GAPVD1: variants seen among roughly 807,000 people sequenced by gnomAD.
GAPVD1 encodes the protein GTPase activating protein and VPS9 domains 1, also known as GTPase-activating protein and VPS9 domain-containing protein 1.
In GAPVD1, 35 loss-of-function variants were observed where a neutral mutation model predicts 155.5. The ratio of observed to expected loss-of-function variants is 0.23; its 90% confidence interval spans 0.17 to 0.30. The LOEUF is 0.30. Ranked by LOEUF, GAPVD1 falls within the 10% of genes least tolerant of loss-of-function variation. The pLI is 1.00. For synonymous variants in GAPVD1, 636 were observed against 619.7 expected (o/e 1.03, Z -0.39); for missense variants, 1,429 against 1,775.7 (o/e 0.80, Z 3.51).
intron 6 of GAPVD1, among the ~76,000 whole-genome samples, chr9:125,306,816 A>G (rs1001814260): frequency 4.6e-5 from 7 of 152,218 alleles, no homozygotes; most frequent in Non-Finnish European, 7.3e-5. Flanking sequence ...CTATATCAGT[A>G]CAAAAAGAGT....
At chr9:125,287,784 A>T (rs1837943786) in intron 2 of GAPVD1, 1 of 152,160 alleles carries the variant, frequency 6.6e-6, no homozygotes, top group African/African-American at 2.4e-5. Flanking sequence ...TCTGTCACCT[A>T]GGCTGGAGTG....
chr9:125,320,665 GC>G (rs1844194412), intron 9 of GAPVD1, among the ~76,000 whole-genome samples: 1 of 150,956 alleles, frequency 6.6e-6, no homozygotes, highest in Admixed American at 6.6e-5. Context: ...TCACTGTATC[GC>G]CCAGGCTAGA....
intron 2 of GAPVD1, among the ~76,000 whole-genome samples, chr9:125,275,959 A>G (rs1835718105): frequency 6.6e-6 from 1 of 152,120 alleles, no homozygotes; most frequent in African/African-American, 2.4e-5. Flanking sequence ...CCCACAAACC[A>G]TTTATTACGA....
At chr9:125,303,005 A>G (rs559148283) in intron 5 of GAPVD1, among the ~76,000 whole-genome samples, 179 bp downstream of exon 5, 1 of 152,220 alleles carries the variant, frequency 6.6e-6, no homozygotes, top group South Asian at 2.1e-4. Flanking sequence ...ATTTAAAATT[A>G]TTGCGGTCAC....
At chr9:125,300,818 A>G (rs1840741044) in intron 4 of GAPVD1, among the ~76,000 whole-genome samples, 2 of 152,146 alleles carry the variant, frequency 1.3e-5, no homozygotes. Flanking sequence ...TTAAAAAAAA[A>G]AAAGAACAGT....
chr9:125,324,543 C>T (rs559067104), intron 11 of GAPVD1, among the ~76,000 whole-genome samples: 4 of 152,062 alleles, frequency 2.6e-5, no homozygotes, highest in South Asian at 2.1e-4. Flanking sequence ...GAGCCAAGAT[C>T]GTGGCATTGC....
intron 8 of GAPVD1, among the ~76,000 whole-genome samples, chr9:125,309,554 T>G (rs948860977): frequency 1.3e-5 from 2 of 152,160 alleles, no homozygotes; most frequent in Non-Finnish European, 2.9e-5. Context: ...AGGCTGGTCT[T>G]GAACTCCTGA....
rs150632898 is a variant in GAPVD1, at chr9:125,275,266, G to A, written c.-150+6282G>A. ...AATTTTTATATTTTTAGTAGAGACG[G>A]GGTTTCACTATGTTGGCCAGGCTGG... On this transcript the variant is annotated intron_variant, in intron 2 of 27. Transcript: ENST00000297933. Among the ~76,000 whole-genome samples the A allele has an allele frequency of 7.2e-3, 1,089 of 151,908 alleles. 16 individuals are homozygous for A. Among genetic ancestry groups the A allele is most frequent in the Middle Eastern group, 0.051 (15 of 294 alleles).
chr9:125,325,988 T>A (rs912579216), intron 11 of GAPVD1, among the ~76,000 whole-genome samples: 8 of 152,238 alleles, frequency 5.3e-5, no homozygotes, highest in African/African-American at 1.9e-4. Flanking sequence ...TAGTTCAGTG[T>A]ATCCACATAT....
intron 2 of GAPVD1, among the ~76,000 whole-genome samples, chr9:125,280,158 A>G (rs1289816616): frequency 6.6e-6 from 1 of 150,724 alleles, no homozygotes; most frequent in Non-Finnish European, 1.5e-5. Flanking sequence ...GCACTTTGGG[A>G]CTCCAAGGCG....
chr9:125,349,668 G>A (rs1239084796), intron 21 of GAPVD1, 149 bp downstream of exon 21: 3 of 683,816 alleles, frequency 4.4e-6, no homozygotes, highest in Non-Finnish European at 4.8e-6. Context: ...CTTTGTTTCA[G>A]TTGTAGATGT....
At position 125,263,984 on chromosome 9, in the gene GAPVD1, G is replaced by A. The variant is rs144811605; in HGVS notation, c.-199+2025G>A. 267 of 1,375,264 alleles carry A rather than the reference G, an allele frequency of 1.9e-4. 1 individual carries two copies. The East Asian group carries it at 5.9e-3, about 30-fold the overall frequency. 85.2% of individuals were successfully genotyped at this position (1,375,264 alleles called of 1,614,324 possible). A position where few individuals can be genotyped will look rare whatever the true frequency, so the allele number is the denominator to read the frequency against. On this transcript the variant is annotated intron_variant, in intron 1 of 27. Coordinates refer to ENST00000297933, the MANE Select transcript of GAPVD1 (RefSeq NM_001282680.3). ...CATGGCCTTCATGACATGAAGGTTG[G>A]GCACGTTCTTGTCTGCCAGCTCTGG...
chr9:125,296,896 G>C (rs1839976644), intron 3 of GAPVD1, among the ~76,000 whole-genome samples: 1 of 151,900 alleles, frequency 6.6e-6, no homozygotes, highest in South Asian at 2.1e-4. Flanking sequence ...CTGACCTCAA[G>C]TGAGCCACCT....
At chr9:125,304,072 T>A (rs1841403358) in intron 5 of GAPVD1, 1 of 152,092 alleles carries the variant, frequency 6.6e-6, no homozygotes, top group South Asian at 2.1e-4. Context: ...TTTGTCTGTT[T>A]GTTTTGAGAT....
In GAPVD1 at chr9:125,323,708, A is replaced by C. The variant is rs984327404; in HGVS notation, c.1733-90A>C. ...AAAAAGTATTAAAAACACTTTAATCAGTTGTTAGTCTTTTATCAAGGCATG... is the reference window on the plus strand; with the variant it reads ...AAAAAGTATTAAAAACACTTTAATCCGTTGTTAGTCTTTTATCAAGGCATG... On this transcript the variant is annotated intron_variant, in intron 10 of 27. Transcript: ENST00000297933. 7 of 1,204,610 alleles carry C rather than the reference A, an allele frequency of 5.8e-6. No individual in the cohort carries two copies. In the African/African-American group the frequency reaches 1.1e-4, roughly 18 times the overall value. The allele number at this position is 1,204,610 out of a possible 1,614,324, so 74.6% of individuals were successfully genotyped here. A position where few individuals can be genotyped will look rare whatever the true frequency, so the allele number is the denominator to read the frequency against.
Position 125,363,472 on chromosome 9 carries a change from G to A in GAPVD1, c.*726G>A, listed in dbSNP as rs373077206. The A allele has an allele frequency of 8.5e-5, 13 of 152,268 alleles. No individual in the cohort carries two copies. In the East Asian group the frequency reaches 1.5e-3, roughly 18 times the overall value. The allele number at this position is 152,268 out of a possible 1,614,324, so 9.4% of individuals were successfully genotyped here. A position where few individuals can be genotyped will look rare whatever the true frequency, so the allele number is the denominator to read the frequency against. ...AACTTTCTAGGTATGGAGTTTGATG[G>A]ACAGGGCTGCCTTTAATGAGTGTGA... On this transcript the variant is annotated 3_prime_UTR_variant, in exon 28 of 28. Coordinates refer to ENST00000297933, the MANE Select transcript of GAPVD1 (RefSeq NM_001282680.3).
intron 10 of GAPVD1, 55 bp from the exon 11 acceptor site, chr9:125,323,739 TTGTG>T: frequency 6.4e-7 from 1 of 1,572,220 alleles, no homozygotes; most frequent in Non-Finnish European, 8.7e-7. Flanking sequence ...GCATGAAAAA[TTGTG>T]TGGTGGCTCA....
At chr9:125,336,064 G>A (rs543049694) in intron 15 of GAPVD1, among the ~76,000 whole-genome samples, 8 of 150,652 alleles carry the variant, frequency 5.3e-5, no homozygotes, top group African/African-American at 1.7e-4. Flanking sequence ...AGGATCACTC[G>A]AGCCCAAGAG....
intron 2 of GAPVD1, 144 bp from the exon 3 acceptor site, chr9:125,295,314 A>T (rs1186588034): frequency 6.6e-6 from 1 of 152,008 alleles, no homozygotes; most frequent in Non-Finnish European, 1.5e-5. Flanking sequence ...ATTCATGTCT[A>T]AATTTTATTT....
Sources: gnomAD v4.1 joint callset for allele counts (sites outside exome capture counted in the v4.1 genomes callset) on GRCh38, gnomAD v4.1.1 for gene constraint, MANE v1.5 for transcripts, NCBI Gene and HGNC (gene_info 2026-07-23, HGNC 2026-07-21) for gene names.